The following GALNT13 variants were observed in gnomAD, a reference collection of about 807,000 sequenced individuals.
The protein encoded by GALNT13 is UDP-GalNAc:polypeptide N-acetylgalactosaminyltransferase 13.
Under a neutral mutation model 64.2 loss-of-function variants are expected in GALNT13, and 28 were observed. That is an observed-to-expected ratio of 0.44 (90% confidence interval 0.32 to 0.60). The LOEUF is 0.60. GALNT13 is among the 20% of genes least tolerant of loss of function. The pLI is 0.05. For missense variants in GALNT13, 577 were observed against 669.8 expected (o/e 0.86, Z 1.53); for synonymous variants, 214 against 224.6 (o/e 0.95, Z 0.42).
At chr2:153,586,460 T>A in the GALNT13 span, among the ~76,000 whole-genome samples, 2 of 152,162 alleles carry the variant, frequency 1.3e-5, no homozygotes, top group Admixed American at 1.3e-4. Flanking sequence ...AGAAGGTCAT[T>A]ATGTAATGAT....
In GALNT13 at chr2:154,023,370, G is replaced by A. The variant is rs534247477; in HGVS notation, c.142+78731G>A. ...CTAAGGACTTGCTTTATGAATCTGGGTGCTCCTGTATTGGGTATATGTATA... is the reference window on the plus strand; with the variant it reads ...CTAAGGACTTGCTTTATGAATCTGGATGCTCCTGTATTGGGTATATGTATA... On this transcript the variant is annotated intron_variant, in intron 3 of 12. Transcript: ENST00000392825. Among the ~76,000 whole-genome samples, 9 of 152,294 alleles carry A rather than the reference G, an allele frequency of 5.9e-5. No homozygotes were observed. The South Asian group carries it at 1.2e-3, about 21-fold the overall frequency.
intron 4 of GALNT13, among the ~76,000 whole-genome samples, chr2:154,200,243 C>A (rs1687100437): frequency 6.6e-6 from 1 of 151,854 alleles, no homozygotes; most frequent in African/African-American, 2.4e-5. Flanking sequence ...TTATGTAATG[C>A]ATAATTTTTC....
the GALNT13 span, among the ~76,000 whole-genome samples, chr2:153,598,516 G>A: frequency 2.0e-5 from 3 of 151,892 alleles, no homozygotes; most frequent in East Asian, 3.9e-4. Context: ...GATGCTAAAT[G>A]TTCTATTTTT....
intron 9 of GALNT13, among the ~76,000 whole-genome samples, chr2:154,384,559 AG>A (rs1162296134): frequency 6.6e-6 from 1 of 151,960 alleles, no homozygotes; most frequent in African/African-American, 2.4e-5. Flanking sequence ...TCCCTATTAA[AG>A]GAACTCTTTT....
At chr2:153,713,868 C>T in the GALNT13 span, among the ~76,000 whole-genome samples, 1 of 152,156 alleles carries the variant, frequency 6.6e-6, no homozygotes, top group East Asian at 1.9e-4. Context: ...ATTGTACTGC[C>T]ACTTAGATCT....
chr2:153,304,146 G>A, the GALNT13 span, among the ~76,000 whole-genome samples: 3 of 91,748 alleles, frequency 3.3e-5, no homozygotes, highest in African/African-American at 4.2e-5. Context: ...TAGTAAATGT[G>A]AGCAAGAGAA....
At chr2:153,405,598 A>C in the GALNT13 span, among the ~76,000 whole-genome samples, 2 of 152,110 alleles carry the variant, frequency 1.3e-5, no homozygotes, top group Admixed American at 1.3e-4. Context: ...TTAAATTCCT[A>C]CTCTATCAAT....
chr2:154,424,382 A>G (rs930261468), intron 11 of GALNT13, among the ~76,000 whole-genome samples: 76 of 152,328 alleles, frequency 5.0e-4, no homozygotes, highest in African/African-American at 1.8e-3. Context: ...CAAAAAAAGA[A>G]TAATACTGTA....
the GALNT13 span, among the ~76,000 whole-genome samples, chr2:153,618,914 T>C: frequency 6.6e-6 from 1 of 152,014 alleles, no homozygotes; most frequent in African/African-American, 2.4e-5. Flanking sequence ...GGTGTGTCTT[T>C]ATAGGTGAAG....
At chr2:153,737,430 A>T in the GALNT13 span, among the ~76,000 whole-genome samples, 1 of 151,310 alleles carries the variant, frequency 6.6e-6, no homozygotes, top group East Asian at 1.9e-4. Context: ...TGTATTATCA[A>T]TTTTTGGACA....
chr2:153,862,924 C>T, the GALNT13 span, among the ~76,000 whole-genome samples: 8 of 151,998 alleles, frequency 5.3e-5, no homozygotes, highest in African/African-American at 1.7e-4. Context: ...TCACCAAATT[C>T]TTCATAGTTA....
At chr2:153,847,713 T>C in the GALNT13 span, among the ~76,000 whole-genome samples, 1 of 152,236 alleles carries the variant, frequency 6.6e-6, no homozygotes, top group Non-Finnish European at 1.5e-5. Flanking sequence ...AAAATAATGT[T>C]ACCCAGATAG....
chr2:153,514,371 T>A, the GALNT13 span, among the ~76,000 whole-genome samples: 2 of 152,218 alleles, frequency 1.3e-5, no homozygotes, highest in Admixed American at 6.5e-5. Context: ...ATTTTTCCCA[T>A]CTCTCTGAAA....
At chr2:153,765,101 A>C in the GALNT13 span, among the ~76,000 whole-genome samples, 1 of 152,234 alleles carries the variant, frequency 6.6e-6, no homozygotes, top group Non-Finnish European at 1.5e-5. Context: ...GCAGAAGGGA[A>C]AGTGGGATGG....
chr2:154,155,721 T>C (rs575579131), intron 4 of GALNT13, among the ~76,000 whole-genome samples: 111 of 152,138 alleles, frequency 7.3e-4, no homozygotes, highest in Middle Eastern at 3.4e-3. Context: ...GAAGCCAGTA[T>C]ACTTTCTGTA....
intron 11 of GALNT13, among the ~76,000 whole-genome samples, chr2:154,435,330 G>C (rs1460692961): frequency 6.6e-6 from 1 of 152,214 alleles, no homozygotes; most frequent in Non-Finnish European, 1.5e-5. Context: ...CTTCATTGGT[G>C]TGCAGGTTAG....
chr2:154,347,984 T>C (rs1197882984), intron 9 of GALNT13, among the ~76,000 whole-genome samples: 1 of 152,176 alleles, frequency 6.6e-6, no homozygotes, highest in Non-Finnish European at 1.5e-5. Flanking sequence ...ATCAAGTACA[T>C]TCATATTAAT....
chr2:153,772,240 G>T, the GALNT13 span, among the ~76,000 whole-genome samples: 1 of 152,230 alleles, frequency 6.6e-6, no homozygotes, highest in Non-Finnish European at 1.5e-5. Flanking sequence ...AACGACTGAT[G>T]TTCTATAAGC....
the GALNT13 span, among the ~76,000 whole-genome samples, chr2:153,800,265 T>G: frequency 6.6e-6 from 1 of 152,022 alleles, no homozygotes; most frequent in Non-Finnish European, 1.5e-5. Flanking sequence ...GTGTGCAGTA[T>G]TATTATGTCT....
Sources: gnomAD v4.1 joint callset for allele counts (sites outside exome capture counted in the v4.1 genomes callset) on GRCh38, gnomAD v4.1.1 for gene constraint, MANE v1.5 for transcripts, NCBI Gene and HGNC (gene_info 2026-07-23, HGNC 2026-07-21) for gene names.